NEK10: variants seen among roughly 807,000 people sequenced by gnomAD.
NEK10 encodes the protein NIMA related kinase 10.
Under a neutral mutation model 159.8 loss-of-function variants are expected in NEK10, and 122 were observed. The observed-to-expected ratio is 0.76, with a 90% CI of 0.66 to 0.89. The LOEUF (loss-of-function observed/expected upper bound fraction) is 0.89. NEK10 is among the 40% of genes least tolerant of loss of function. The pLI is 0.00. For missense variants in NEK10, 1,342 were observed against 1,323.1 expected (o/e 1.01, Z -0.22); for synonymous variants, 466 against 457.1 (o/e 1.02, Z -0.25).
chr3:27,166,045 T>C (rs914227576), intron 29 of NEK10, among the ~76,000 whole-genome samples: 1 of 152,246 alleles, frequency 6.6e-6, no homozygotes, highest in Non-Finnish European at 1.5e-5. Flanking sequence ...TAATTAAACC[T>C]TATGAAATGA....
intron 32 of NEK10, among the ~76,000 whole-genome samples, chr3:27,123,476 G>T (rs902836984): frequency 6.6e-6 from 1 of 152,076 alleles, no homozygotes; most frequent in African/African-American, 2.4e-5. Flanking sequence ...TGTTATATGG[G>T]CATTCATGAT....
chr3:27,343,278 C>G (rs73821964), intron 5 of NEK10, among the ~76,000 whole-genome samples: 4,497 of 152,238 alleles, frequency 0.03, 229 homozygotes, highest in African/African-American at 0.1. Flanking sequence ...CACTTAAGCA[C>G]GTATTGAGTA....
chr3:27,141,660 A>G (rs576015510), intron 30 of NEK10, 78 bp from the exon 31 acceptor site: 19 of 1,125,136 alleles, frequency 1.7e-5, no homozygotes. Flanking sequence ...TAAAATTCTA[A>G]CACAAATTTT....
intron 22 of NEK10, among the ~76,000 whole-genome samples, chr3:27,276,918 T>C (rs2041815815): frequency 6.6e-6 from 1 of 152,108 alleles, no homozygotes; most frequent in African/African-American, 2.4e-5. Context: ...CCCTTTCTCA[T>C]CTCCAACTAT....
In NEK10 at chr3:27,157,761, T is replaced by C. The variant is rs192738977; in HGVS notation, c.2869+4940A>G. On this transcript the variant is annotated intron_variant, in intron 30 of 35. Coordinates refer to ENST00000691995, the MANE Select transcript of NEK10 (RefSeq NM_001394966.1). ...GCATCGCACGCTACAGAGAAACTTT[T>C]GTGAAAGACTGAATTGATTGAGCAA... Among the ~76,000 whole-genome samples, 668 of 152,292 alleles carry C rather than the reference T, an allele frequency of 4.4e-3. 3 individuals carry two copies. The highest frequency in any genetic ancestry group is 0.016 in the African/African-American group (648 of 41,578).
intron 31 of NEK10, among the ~76,000 whole-genome samples, chr3:27,139,101 G>A (rs1039554916): frequency 6.6e-5 from 10 of 152,088 alleles, no homozygotes; most frequent in Non-Finnish European, 1.5e-4. Flanking sequence ...ATTTAATCGA[G>A]CAGCTTACTA....
intron 22 of NEK10, among the ~76,000 whole-genome samples, chr3:27,260,255 T>C (rs1410264678): frequency 6.6e-6 from 1 of 152,164 alleles, no homozygotes; most frequent in Non-Finnish European, 1.5e-5. Context: ...TCCAACACTA[T>C]GTTGAATAGG....
intron 24 of NEK10, 40 bp from the exon 25 acceptor site, chr3:27,201,620 C>A (rs1329120592): frequency 1.4e-6 from 2 of 1,475,560 alleles, no homozygotes; most frequent in South Asian, 1.2e-5. Flanking sequence ...AGTAAAGGGG[C>A]CACGGATGTC....
At chr3:27,362,366 G>A (rs1343095977) in intron 1 of NEK10, among the ~76,000 whole-genome samples, 2 of 152,114 alleles carry the variant, frequency 1.3e-5, no homozygotes, top group African/African-American at 4.8e-5. Flanking sequence ...AAGTTTGGAA[G>A]CAATGCTATT....
chr3:27,309,297 T>A (rs1239773310), intron 9 of NEK10: 3 of 179,750 alleles, frequency 1.7e-5, no homozygotes, highest in Non-Finnish European at 3.5e-5. Context: ...TATAAACACT[T>A]TTTGTCAATA....
chr3:27,193,927 G>C (rs1398269951), intron 25 of NEK10: 2 of 152,068 alleles, frequency 1.3e-5, no homozygotes, highest in Non-Finnish European at 2.9e-5. Context: ...AGTCCTGATA[G>C]GTATTCAGCA....
intron 23 of NEK10, among the ~76,000 whole-genome samples, chr3:27,255,905 A>G (rs978131007): frequency 6.6e-6 from 1 of 152,196 alleles, no homozygotes; most frequent in African/African-American, 2.4e-5. Context: ...GTTTATAGGT[A>G]GAAAAGAGAA....
chr3:27,138,130 A>T (rs1056443670), intron 31 of NEK10, among the ~76,000 whole-genome samples: 1 of 152,184 alleles, frequency 6.6e-6, no homozygotes, highest in Admixed American at 6.5e-5. Context: ...CAAACAGCAC[A>T]TGTGGGACCC....
At chr3:27,289,733 T>C (rs1457772700) in intron 19 of NEK10, among the ~76,000 whole-genome samples, 1 of 152,198 alleles carries the variant, frequency 6.6e-6, no homozygotes, top group Non-Finnish European at 1.5e-5. Flanking sequence ...TAGATGACCA[T>C]ACAAACACAT....
At position 27,283,445 on chromosome 3, in the gene NEK10, T is replaced by C. The variant is rs116406333; in HGVS notation, c.2014+1157A>G. Among the ~76,000 whole-genome samples, 1,351 of 152,322 alleles carry C rather than the reference T, an allele frequency of 8.9e-3. 24 individuals carry two copies. Among genetic ancestry groups the C allele is most frequent in the African/African-American group, 0.03 (1,241 of 41,558 alleles). ...ATCTTTGTTCAGTAATATATATGTA[T>C]AGAATTTATACATAAGCCTATGTAT... On this transcript the variant is annotated intron_variant, in intron 22 of 35. Coordinates refer to ENST00000691995, the MANE Select transcript of NEK10 (RefSeq NM_001394966.1).
intron 1 of NEK10, among the ~76,000 whole-genome samples, chr3:27,365,537 A>T (rs748394675): frequency 2.6e-5 from 4 of 151,934 alleles, no homozygotes; most frequent in African/African-American, 4.8e-5. Context: ...TTTACCAAAT[A>T]AAAAAACTAT....
intron 22 of NEK10, among the ~76,000 whole-genome samples, chr3:27,261,895 A>G (rs1393072253): frequency 3.3e-5 from 5 of 152,194 alleles, no homozygotes; most frequent in African/African-American, 1.2e-4. Flanking sequence ...TGCTTTATCA[A>G]TCGGGGTACC....
At chr3:27,145,188 G>C (rs189614954) in intron 30 of NEK10, among the ~76,000 whole-genome samples, 2 of 151,000 alleles carry the variant, frequency 1.3e-5, no homozygotes, top group East Asian at 3.9e-4. Flanking sequence ...GAGAATATTT[G>C]TATTAAAACA....
intron 23 of NEK10, chr3:27,214,921 G>A: frequency 9.8e-7 from 1 of 1,020,874 alleles, no homozygotes; most frequent in Non-Finnish European, 1.5e-6. Context: ...TTCTTTTAAA[G>A]AAGGTGAGAA....
Sources: gnomAD v4.1 joint callset for allele counts (sites outside exome capture counted in the v4.1 genomes callset) on GRCh38, gnomAD v4.1.1 for gene constraint, MANE v1.5 for transcripts, NCBI Gene and HGNC (gene_info 2026-07-23, HGNC 2026-07-21) for gene names.